RERG: variants seen among roughly 807,000 people sequenced by gnomAD.
The protein encoded by RERG is RAS like estrogen regulated growth inhibitor.
A neutral mutation model predicts 23.2 loss-of-function variants in RERG; 25 were observed. The ratio of observed to expected loss-of-function variants is 1.08; its 90% confidence interval spans 0.79 to 1.50. The LOEUF is 1.50. Among genes scored for constraint, RERG ranks in the 40% most tolerant of loss-of-function variants. The pLI is 0.00. For missense variants in RERG, 253 were observed against 250.1 expected, an observed-to-expected ratio of 1.01 and a Z score of -0.08; for synonymous variants, 81 against 89.1, an observed-to-expected ratio of 0.91 and a Z score of 0.51.
At chr12:15,111,140 C>T in intron 4 of RERG, 1 of 442,126 alleles carries the variant, frequency 2.3e-6, no homozygotes, top group Non-Finnish European at 4.0e-6. Context: ...TTCAAAACCC[C>T]CTTGAAACAC....
At chr12:15,186,403 G>T (rs911212121) in intron 2 of RERG, among the ~76,000 whole-genome samples, 2 of 151,970 alleles carry the variant, frequency 1.3e-5, no homozygotes, top group Non-Finnish European at 2.9e-5. Context: ...AATTAAAAAT[G>T]TACATTTAAT....
intron 2 of RERG, among the ~76,000 whole-genome samples, chr12:15,184,256 T>C (rs1212367354): frequency 1.3e-5 from 2 of 152,220 alleles, no homozygotes; most frequent in South Asian, 2.1e-4. Flanking sequence ...ATATTTCTCA[T>C]AATGTGAATA....
At chr12:15,166,523 A>ATGGTGGTGG (rs148048968) in intron 2 of RERG, among the ~76,000 whole-genome samples, 23,691 of 148,806 alleles carry the variant, frequency 0.16, 2,470 homozygotes, top group Admixed American at 0.28. Context: ...GATGGTGGTG[A>ATGGTGGTGG]TGGTGGTGGT....
At chr12:15,123,189 A>T (rs1400650635) in intron 2 of RERG, among the ~76,000 whole-genome samples, 1 of 152,212 alleles carries the variant, frequency 6.6e-6, no homozygotes, top group African/African-American at 2.4e-5. Context: ...ACATGAGCGA[A>T]GTTTACAGTT....
At chr12:15,123,287 T>C (rs1321714459) in intron 2 of RERG, among the ~76,000 whole-genome samples, 1 of 152,040 alleles carries the variant, frequency 6.6e-6, no homozygotes, top group Non-Finnish European at 1.5e-5. Context: ...CAAAACCAAG[T>C]ATACTGAACA....
chr12:15,144,283 G>A (rs79837097), intron 2 of RERG, among the ~76,000 whole-genome samples: 7,661 of 152,240 alleles, frequency 0.05, 301 homozygotes, highest in African/African-American at 0.1. Context: ...ACCATGGAGT[G>A]CAAGAGTCTG....
At chr12:15,212,700 A>C (rs1360166031) in intron 2 of RERG, among the ~76,000 whole-genome samples, 1 of 152,186 alleles carries the variant, frequency 6.6e-6, no homozygotes, top group Non-Finnish European at 1.5e-5. Context: ...CTATAGCATA[A>C]GAAAACTGAC....
At chr12:15,116,141 C>CG (rs1863717019) in intron 3 of RERG, among the ~76,000 whole-genome samples, 1 of 152,178 alleles carries the variant, frequency 6.6e-6, no homozygotes, top group Non-Finnish European at 1.5e-5. Flanking sequence ...CCACTTGTCT[C>CG]CAAGTGTTCT....
intron 2 of RERG, among the ~76,000 whole-genome samples, chr12:15,205,251 T>A (rs1488519765): frequency 6.6e-6 from 1 of 151,970 alleles, no homozygotes; most frequent in Non-Finnish European, 1.5e-5. Flanking sequence ...CTCCCACAAA[T>A]ATTAGCATTT....
intron 2 of RERG, among the ~76,000 whole-genome samples, chr12:15,192,223 C>G (rs1170467990): frequency 6.6e-6 from 1 of 152,130 alleles, no homozygotes; most frequent in Non-Finnish European, 1.5e-5. Flanking sequence ...CTCTCTTGCT[C>G]CTGCTCCTGC....
At chr12:15,130,686 C>T (rs1864030718) in intron 2 of RERG, among the ~76,000 whole-genome samples, 1 of 152,014 alleles carries the variant, frequency 6.6e-6, no homozygotes, top group African/African-American at 2.4e-5. Flanking sequence ...TAAATTAGTT[C>T]CAGATGGGGG....
intron 2 of RERG, among the ~76,000 whole-genome samples, chr12:15,196,276 C>G (rs538912110): frequency 4.8e-4 from 73 of 152,220 alleles, no homozygotes; most frequent in African/African-American, 1.6e-3. Context: ...GGATGCAGCT[C>G]TATGGAAAAG....
intron 2 of RERG, among the ~76,000 whole-genome samples, chr12:15,127,665 T>G (rs1863972286): frequency 6.6e-6 from 1 of 152,208 alleles, no homozygotes; most frequent in Non-Finnish European, 1.5e-5. Flanking sequence ...ACCCTAGATT[T>G]GTGGAGATAG....
intron 2 of RERG, among the ~76,000 whole-genome samples, chr12:15,188,240 T>C (rs1275791566): frequency 6.6e-6 from 1 of 152,196 alleles, no homozygotes; most frequent in Non-Finnish European, 1.5e-5. Context: ...TTGCCTTTAA[T>C]GCCTCCTTGG....
intron 2 of RERG, among the ~76,000 whole-genome samples, chr12:15,185,087 T>C (rs1864971956): frequency 6.6e-6 from 1 of 152,136 alleles, no homozygotes. Flanking sequence ...CCCCCAATTA[T>C]TTTTTCTGAT....
Position 15,109,519 on chromosome 12 carries a change from T to G in RERG, c.193-2A>C. ...CCCCTCCCTCTGAATGGTATCTTCC[T>G]GTTGGCAAAGAAAAATGGCCGTCAA... On this transcript the variant is annotated splice_acceptor_variant, in intron 4 of 4. Transcript: ENST00000256953. LOFTEE classifies it high-confidence loss of function. 1 of 1,569,422 alleles carries G rather than the reference T, an allele frequency of 6.4e-7. No individual in the cohort carries two copies. The highest frequency in any genetic ancestry group is 8.7e-7 in the Non-Finnish European group (1 of 1,155,350).
intron 2 of RERG, among the ~76,000 whole-genome samples, chr12:15,147,489 T>G (rs1864354853): frequency 2.0e-5 from 3 of 152,244 alleles, no homozygotes; most frequent in Admixed American, 6.5e-5. Flanking sequence ...TACATAAGTA[T>G]ATTTATTTTT....
At chr12:15,110,469 T>TTTTTTTTTTTTTTG (rs1863589169) in intron 4 of RERG, among the ~76,000 whole-genome samples, 1 of 68,768 alleles carries the variant, frequency 1.5e-5, no homozygotes, top group Non-Finnish European at 3.1e-5. Context: ...TTTTCTTTTT[T>TTTTTTTTTTTTTTG]TTTTTTTTTT....
chr12:15,111,629 A>G (rs554716250), intron 3 of RERG, among the ~76,000 whole-genome samples: 1 of 151,744 alleles, frequency 6.6e-6, no homozygotes, highest in African/African-American at 2.4e-5. Context: ...GGTGTCACCG[A>G]CTTTCAGAAT....
Sources: allele counts gnomAD v4.1 joint callset (sites outside exome capture counted in the v4.1 genomes callset), GRCh38; gene constraint gnomAD v4.1.1; transcripts MANE v1.5; gene names NCBI Gene and HGNC (gene_info 2026-07-23, HGNC 2026-07-21).